Variants in CUX1 observed in about 807,000 individuals in gnomAD.
CUX1 encodes the protein cut like homeobox 1, also known as protein CASP.
A neutral mutation model predicts 158.8 loss-of-function variants in CUX1; 31 were observed. That is an observed-to-expected ratio of 0.20 (90% CI 0.15 to 0.26). The LOEUF is 0.26. Ranked by LOEUF, CUX1 falls within the 10% of genes least tolerant of loss-of-function variation. The probability of loss-of-function intolerance (pLI) is 1.00; values close to 1 mark genes in which losing one functional copy is unlikely to be tolerated. For synonymous variants in CUX1, 879 were observed against 862.1 expected (o/e 1.02, Z -0.34); for missense variants, 1,589 against 2,014.6 (o/e 0.79, Z 4.04).
At position 102,277,945 on chromosome 7, in the gene CUX1, C is replaced by A. The variant is rs374801556; in HGVS notation, c.1564-4C>A. Reference sequence around the variant, plus strand: ...CACCCCTTTCCTTGCCCCTCCCCCCCCAGGAGAACCGCCTGGCCCAGCACA... The same window carrying A: ...CACCCCTTTCCTTGCCCCTCCCCCCACAGGAGAACCGCCTGGCCCAGCACA... On this transcript the variant is annotated splice_region_variant and splice_polypyrimidine_tract_variant and intron_variant, in intron 17 of 22. Coordinates refer to the CUX1 transcript ENST00000292538. The A allele has an allele frequency of 7.3e-6, 11 of 1,506,068 alleles. No homozygotes were observed. In the East Asian group the frequency reaches 7.4e-5, roughly 10 times the overall value. 93.3% of individuals were successfully genotyped at this position (1,506,068 alleles called of 1,614,324 possible). A position where few individuals can be genotyped will look rare whatever the true frequency, so the allele number is the denominator to read the frequency against.
intron 1 of CUX1, among the ~76,000 whole-genome samples, chr7:101,821,858 T>G (rs1489127163): frequency 2.9e-5 from 3 of 104,006 alleles, no homozygotes; most frequent in Non-Finnish European, 4.3e-5. Flanking sequence ...TGTTTTTTTG[T>G]TTTTTTTTTT....
intron 8 of CUX1, among the ~76,000 whole-genome samples, chr7:102,135,675 G>A (rs1457401435): frequency 3.9e-5 from 6 of 151,918 alleles, no homozygotes; most frequent in Non-Finnish European, 7.4e-5. Flanking sequence ...GTTTCAGTGA[G>A]AGAAAATAGT....
chr7:102,207,707 C>T (rs1442454545), intron 20 of CUX1, among the ~76,000 whole-genome samples: 2 of 152,204 alleles, frequency 1.3e-5, no homozygotes, highest in African/African-American at 4.8e-5. Context: ...CCACCTTGGC[C>T]TCCCAAAGTG....
chr7:102,151,932 C>G (rs1835734161), intron 8 of CUX1, among the ~76,000 whole-genome samples: 1 of 151,936 alleles, frequency 6.6e-6, no homozygotes, highest in Non-Finnish European at 1.5e-5. Flanking sequence ...ATGGGCCAGG[C>G]ACAGTGGCTC....
Position 102,230,939 on chromosome 7 carries a change from C to A in CUX1, c.3434-3113C>A, listed in dbSNP as rs184144990. ...GCAGTGGCACGATCATAGCTTACTGCAGCCTTGAACTCCTGGGCTCAAGCA... is the reference window on the plus strand; with the variant it reads ...GCAGTGGCACGATCATAGCTTACTGAAGCCTTGAACTCCTGGGCTCAAGCA... On this transcript the variant is annotated intron_variant, in intron 21 of 23. Coordinates refer to ENST00000292535, the MANE Select transcript of CUX1 (RefSeq NM_181552.4). Among the ~76,000 whole-genome samples the A allele has an allele frequency of 1.5e-4, 23 of 152,102 alleles. 1 individual carries two copies. In the East Asian group the frequency reaches 3.7e-3, roughly 24 times the overall value.
chr7:101,906,274 G>A (rs1483912994), intron 1 of CUX1, among the ~76,000 whole-genome samples: 5 of 152,012 alleles, frequency 3.3e-5, no homozygotes. Flanking sequence ...CAGACTAGGG[G>A]AGCTGCCACG....
At chr7:102,272,778 G>A (rs939521458) in intron 14 of CUX1, among the ~76,000 whole-genome samples, 5 of 152,170 alleles carry the variant, frequency 3.3e-5, no homozygotes, top group South Asian at 2.1e-4. Flanking sequence ...GCTGTGGGTC[G>A]GGGGACTCCT....
chr7:101,977,874 G>C (rs548454146), intron 2 of CUX1, among the ~76,000 whole-genome samples: 42 of 152,274 alleles, frequency 2.8e-4, no homozygotes, highest in African/African-American at 9.9e-4. Context: ...TTATATATGG[G>C]GGGTCAGCAG....
At chr7:102,183,561 C>A (rs782260125) in intron 11 of CUX1, among the ~76,000 whole-genome samples, 3 of 152,176 alleles carry the variant, frequency 2.0e-5, no homozygotes, top group Non-Finnish European at 4.4e-5. Context: ...GACACATGTC[C>A]TTATCTATGG....
At chr7:101,868,211 G>A (rs1342993796) in intron 1 of CUX1, among the ~76,000 whole-genome samples, 1 of 152,156 alleles carries the variant, frequency 6.6e-6, no homozygotes, top group East Asian at 1.9e-4. Flanking sequence ...GGAATCCAGA[G>A]TCCAGTCCTT....
intron 1 of CUX1, among the ~76,000 whole-genome samples, chr7:101,888,903 T>G (rs2131622572): frequency 6.6e-6 from 1 of 152,240 alleles, no homozygotes; most frequent in South Asian, 2.1e-4. Flanking sequence ...AGATGGTCAT[T>G]AAAGTTGAAT....
At chr7:102,281,362 G>C (rs530232047) in intron 20 of CUX1, among the ~76,000 whole-genome samples, 1 of 151,680 alleles carries the variant, frequency 6.6e-6, no homozygotes, top group Non-Finnish European at 1.5e-5. Flanking sequence ...CTAAAAAAAC[G>C]TTTTTAAAGA....
At chr7:102,004,685 G>A (rs982488738) in intron 2 of CUX1, among the ~76,000 whole-genome samples, 6 of 152,084 alleles carry the variant, frequency 3.9e-5, no homozygotes, top group African/African-American at 1.4e-4. Flanking sequence ...CTTGGGCTCT[G>A]GTGTCCTGAC....
At chr7:102,062,204 A>T (rs1824960307) in intron 3 of CUX1, among the ~76,000 whole-genome samples, 1 of 152,172 alleles carries the variant, frequency 6.6e-6, no homozygotes, top group Non-Finnish European at 1.5e-5. Flanking sequence ...CTGAGGAGGG[A>T]AAGCACCCAG....
chr7:102,251,905 A>G lies in CUX1; in HGVS notation c.*2863A>G. 1 of 985,470 alleles carries G rather than the reference A, an allele frequency of 1.0e-6. No homozygotes were observed. Among genetic ancestry groups the G allele is most frequent in the Non-Finnish European group, 1.2e-6 (1 of 829,938 alleles). 61.0% of individuals were successfully genotyped at this position (985,470 alleles called of 1,614,324 possible). ...TACAGATTTGTCCATTCTAGTGGCC[A>G]AACAGTAACAGTCTAAAATGCAGTC... On this transcript the variant is annotated 3_prime_UTR_variant, in exon 24 of 24. Coordinates refer to ENST00000292535, the MANE Select transcript of CUX1 (RefSeq NM_181552.4).
chr7:101,981,488 C>T (rs1813437994), intron 2 of CUX1, among the ~76,000 whole-genome samples: 1 of 152,144 alleles, frequency 6.6e-6, no homozygotes, highest in Non-Finnish European at 1.5e-5. Context: ...CCAGCCATTC[C>T]CAGGCTGGCA....
At chr7:101,851,829 C>CT (rs59542926) in intron 1 of CUX1, among the ~76,000 whole-genome samples, 122,690 of 144,826 alleles carry the variant, frequency 0.85, 52,174 homozygotes, top group South Asian at 0.89. Context: ...TTTCTTCTCT[C>CT]TTTTTTTTTT....
intron 2 of CUX1, among the ~76,000 whole-genome samples, chr7:102,021,549 C>A (rs1819343714): frequency 6.6e-6 from 1 of 151,930 alleles, no homozygotes. Flanking sequence ...CTCAAGCAAT[C>A]CTCCTGCCTT....
At chr7:101,917,686 C>T (rs1040562739) in intron 2 of CUX1, among the ~76,000 whole-genome samples, 8 of 152,174 alleles carry the variant, frequency 5.3e-5, no homozygotes, top group African/African-American at 1.7e-4. Flanking sequence ...GTTTCCTGAG[C>T]GCTTGTCCTT....
Sources: allele counts gnomAD v4.1 joint callset (sites outside exome capture counted in the v4.1 genomes callset), GRCh38; gene constraint gnomAD v4.1.1; transcripts MANE v1.5; gene names NCBI Gene and HGNC (gene_info 2026-07-23, HGNC 2026-07-21).